The following UBAP2 variants were observed in gnomAD, a reference collection of about 807,000 sequenced individuals.
UBAP2 encodes the protein ubiquitin-associated protein 2.
Under a neutral mutation model 139.6 loss-of-function variants are expected in UBAP2, and 75 were observed. The observed-to-expected ratio is 0.54, with a 90% CI of 0.45 to 0.65. The LOEUF is 0.65. UBAP2 is among the 30% of genes least tolerant of loss of function. The pLI, the probability that UBAP2 is intolerant of heterozygous loss-of-function variation, is 0.00. For missense variants in UBAP2, 1,368 were observed against 1,369.6 expected, an observed-to-expected ratio of 1.00 and a Z score of 0.02; for synonymous variants, 526 against 526.2, an observed-to-expected ratio of 1.00 and a Z score of 0.01.
intron 12 of UBAP2, among the ~76,000 whole-genome samples, chr9:33,950,815 G>T (rs1439605965): frequency 6.6e-6 from 1 of 152,128 alleles, no homozygotes; most frequent in Non-Finnish European, 1.5e-5. Context: ...CCATGTCCTA[G>T]GTAATACACA....
Position 33,971,580 on chromosome 9 carries a change from T to A in UBAP2, c.679+71A>T, listed in dbSNP as rs748417402. 1.5e-5 allele frequency: 13 copies of A among 894,464 alleles called. No individual in the cohort carries two copies. In the African/African-American group the frequency reaches 2.1e-4, roughly 15 times the overall value. The allele number at this position is 894,464 out of a possible 1,614,324, so 55.4% of individuals were successfully genotyped here. A position where few individuals can be genotyped will look rare whatever the true frequency, so the allele number is the denominator to read the frequency against. On this transcript the variant is annotated intron_variant, in intron 8 of 28. Coordinates refer to ENST00000379238, the MANE Select transcript of UBAP2 (RefSeq NM_001370062.2). ...CATCAGCACATTTAGACTTCATCTT[T>A]GTATGAGAACATACAACTCTTAATA...
intron 1 of UBAP2, among the ~76,000 whole-genome samples, chr9:34,047,220 G>C (rs542021402): frequency 3.3e-5 from 5 of 152,248 alleles, no homozygotes; most frequent in Non-Finnish European, 7.4e-5. Context: ...AAAATCTCTC[G>C]TCACACGTAT....
intron 2 of UBAP2, among the ~76,000 whole-genome samples, chr9:34,014,265 T>TGCTGTG: frequency 8.2e-6 from 1 of 122,184 alleles, no homozygotes; most frequent in East Asian, 2.8e-4. Context: ...AGGCGGAGGT[T>TGCTGTG]ACAATGAGCC....
chr9:34,027,677 G>A lies in UBAP2; in HGVS notation c.-41-10488C>T, dbSNP rs187844947. Among the ~76,000 whole-genome samples the A allele has an allele frequency of 2.0e-5, 3 of 148,902 alleles. No homozygotes were observed. In the East Asian group the frequency reaches 6.0e-4, roughly 30 times the overall value. ...TCGAGACCATCCTGGCTAACACGGCGAAACCCCATCTCTACTAAAAATACA... is the reference window on the plus strand; with the variant it reads ...TCGAGACCATCCTGGCTAACACGGCAAAACCCCATCTCTACTAAAAATACA... On this transcript the variant is annotated intron_variant, in intron 1 of 28. Coordinates refer to ENST00000379238, the MANE Select transcript of UBAP2 (RefSeq NM_001370062.2).
At chr9:34,022,432 C>CT (rs1825035703) in intron 1 of UBAP2, among the ~76,000 whole-genome samples, 1 of 114,216 alleles carries the variant, frequency 8.8e-6, no homozygotes, top group African/African-American at 3.4e-5. Context: ...CAGCAAGACC[C>CT]CTTTTTTTTT....
intron 1 of UBAP2, among the ~76,000 whole-genome samples, chr9:34,029,914 G>C (rs1204625947): frequency 6.6e-6 from 1 of 151,172 alleles, no homozygotes; most frequent in Non-Finnish European, 1.5e-5. Flanking sequence ...TTGAACCCGA[G>C]AGGCAGAGGT....
intron 1 of UBAP2, among the ~76,000 whole-genome samples, chr9:34,047,798 A>G (rs1465031633): frequency 6.6e-6 from 1 of 152,226 alleles, no homozygotes; most frequent in Non-Finnish European, 1.5e-5. Flanking sequence ...TGGGCAACAT[A>G]TGGAGACCAT....
At chr9:34,039,847 T>TA (rs74180526) in intron 1 of UBAP2, among the ~76,000 whole-genome samples, 8,929 of 84,254 alleles carry the variant, frequency 0.11, 881 homozygotes, top group South Asian at 0.3. Context: ...CAATAAATAC[T>TA]AAAAAAAAAA....
intron 1 of UBAP2, among the ~76,000 whole-genome samples, chr9:34,035,308 G>A (rs1423547592): frequency 1.3e-5 from 2 of 151,218 alleles, no homozygotes; most frequent in Admixed American, 1.3e-4. Context: ...TTCAAGACCA[G>A]CCTGGCCAAC....
At chr9:33,975,198 G>A (rs1470045374) in intron 6 of UBAP2, among the ~76,000 whole-genome samples, 5 of 151,820 alleles carry the variant, frequency 3.3e-5, no homozygotes, top group South Asian at 2.1e-4. Flanking sequence ...TTGGGAGGCC[G>A]AGGCAGGCAG....
chr9:34,014,257 G>A (rs1480078008), intron 2 of UBAP2, among the ~76,000 whole-genome samples: 1 of 147,316 alleles, frequency 6.8e-6, no homozygotes, highest in Non-Finnish European at 1.5e-5. Context: ...AACCCCAGAG[G>A]CGGAGGTTAC....
chr9:33,962,265 T>C (rs1352002880), intron 9 of UBAP2, among the ~76,000 whole-genome samples: 1 of 152,204 alleles, frequency 6.6e-6, no homozygotes, highest in Non-Finnish European at 1.5e-5. Flanking sequence ...AGCCACTATA[T>C]GTACAGTTAA....
intron 1 of UBAP2, among the ~76,000 whole-genome samples, chr9:34,028,622 C>T (rs976930206): frequency 2.6e-5 from 4 of 152,026 alleles, no homozygotes; most frequent in South Asian, 2.1e-4. Flanking sequence ...TTAAGTGATC[C>T]GCCTACCTCA....
chr9:33,991,792 G>C (rs2131158616), intron 4 of UBAP2, among the ~76,000 whole-genome samples: 1 of 152,286 alleles, frequency 6.6e-6, no homozygotes, highest in African/African-American at 2.4e-5. Context: ...AATACAAAAA[G>C]TAAATTCCAG....
chr9:33,970,620 G>A (rs1404902439), intron 8 of UBAP2, among the ~76,000 whole-genome samples: 1 of 151,980 alleles, frequency 6.6e-6, no homozygotes, highest in African/African-American at 2.4e-5. Context: ...TCTTAGTATA[G>A]ATGAGGTCTT....
Position 33,953,383 on chromosome 9 carries a change from C to T in UBAP2, c.958G>A (p.Gly320Ser), listed in dbSNP as rs758676941. The T allele has an allele frequency of 1.3e-5, 21 of 1,614,134 alleles. No homozygotes were observed. Among genetic ancestry groups the T allele is most frequent in the Admixed American group, 3.3e-5 (2 of 60,012 alleles). Residue 320 changes from glycine (G) to serine (S), a missense_variant, in exon 12 of 29, where the codon GGC becomes AGC. Gly to Ser is a moderately conservative substitution (Grantham distance 56). Transcript: ENST00000379238. ...GAATTTGTGAAGACAAGGGCTTGGC[C>T]AAAGCCCTGCTGTTGGGAAGTTTCA... is the stretch of plus-strand genomic sequence containing the variant. ...SFETSQQQGF[G>S]QALVFTNSQH...
chr9:33,969,716 G>C (rs984825206), intron 8 of UBAP2, among the ~76,000 whole-genome samples: 1 of 149,084 alleles, frequency 6.7e-6, no homozygotes, highest in Non-Finnish European at 1.5e-5. Flanking sequence ...ATACGAAAAA[G>C]TTAGCCAGGC....
rs543923161 is a variant in UBAP2, at chr9:34,018,307, A to G, written c.-41-1118T>C. Among the ~76,000 whole-genome samples the G allele has an allele frequency of 7.9e-5, 12 of 152,018 alleles. No individual in the cohort carries two copies. The South Asian group carries it at 2.5e-3, about 32-fold the overall frequency. ...GAAAACCTGCTAGACAAATTCTAAA[A>G]GAGCTGTAACACTATAATTGTTTTT... is the stretch of plus-strand genomic sequence containing the variant. On this transcript the variant is annotated intron_variant, in intron 1 of 28. Transcript: ENST00000379238.
intron 6 of UBAP2, among the ~76,000 whole-genome samples, chr9:33,976,776 T>G (rs1828381624): frequency 6.6e-6 from 1 of 151,888 alleles, no homozygotes; most frequent in African/African-American, 2.4e-5. Context: ...GCAGGTGGAT[T>G]ACTTGAGGTC....
Sources: allele counts gnomAD v4.1 joint callset (sites outside exome capture counted in the v4.1 genomes callset), GRCh38; gene constraint gnomAD v4.1.1; transcripts MANE v1.5; gene names NCBI Gene and HGNC (gene_info 2026-07-23, HGNC 2026-07-21).